NRXN3: variants seen among roughly 807,000 people sequenced by gnomAD.
The protein encoded by NRXN3 is neurexin III.
A neutral mutation model predicts 137.6 loss-of-function variants in NRXN3; 32 were observed. The observed-to-expected ratio is 0.23, with a 90% CI of 0.18 to 0.31. The LOEUF (loss-of-function observed/expected upper bound fraction) is 0.31, where lower values mean the gene tolerates loss of function less well. Among genes scored for constraint, NRXN3 ranks in the 10% least tolerant of loss-of-function variants. The pLI, the probability that NRXN3 is intolerant of heterozygous loss-of-function variation, is 1.00. For synonymous variants in NRXN3, 798 were observed against 784.5 expected (o/e 1.02, Z -0.29); for missense variants, 1,574 against 2,062.5 (o/e 0.76, Z 4.59).
chr14:78,952,152 C>T (rs2099388349), intron 10 of NRXN3, among the ~76,000 whole-genome samples: 1 of 151,998 alleles, frequency 6.6e-6, no homozygotes, highest in African/African-American at 2.4e-5. Flanking sequence ...ATTCCTGAGC[C>T]TTAAGTACTC....
intron 15 of NRXN3, among the ~76,000 whole-genome samples, chr14:79,460,191 G>A (rs935293404): frequency 2.0e-5 from 3 of 152,142 alleles, no homozygotes; most frequent in African/African-American, 4.8e-5. Flanking sequence ...ATGGAACATC[G>A]CAATAGTTGG....
chr14:78,610,842 GA>G (rs759692314), intron 4 of NRXN3, among the ~76,000 whole-genome samples: 2 of 152,222 alleles, frequency 1.3e-5, no homozygotes, highest in Non-Finnish European at 2.9e-5. Flanking sequence ...AGCTGCTGTA[GA>G]ATATGAGTTG....
In NRXN3 at chr14:79,513,859, G is replaced by A. The variant is rs544608053; in HGVS notation, c.3444+46457G>A. ...TGACCTCCTGTTTAGTCGTTTGCAA[G>A]AAACAGCCTGCTGGCAGTACCTAGG... On this transcript the variant is annotated intron_variant, in intron 16 of 20. Transcript: ENST00000335750. Among the ~76,000 whole-genome samples the A allele has an allele frequency of 4.6e-5, 7 of 152,264 alleles. No homozygotes were observed. In the South Asian group the frequency reaches 1.4e-3, roughly 32 times the overall value.
At chr14:79,037,434 CCTT>C (rs1220181111) in intron 15 of NRXN3, among the ~76,000 whole-genome samples, 1 of 152,052 alleles carries the variant, frequency 6.6e-6, no homozygotes, top group Non-Finnish European at 1.5e-5. Context: ...CCACTTCCTC[CCTT>C]CTTAATTTTC....
At chr14:78,208,791 C>T (rs1039336046) in intron 1 of NRXN3, among the ~76,000 whole-genome samples, 7 of 152,128 alleles carry the variant, frequency 4.6e-5, no homozygotes, top group African/African-American at 1.4e-4. Flanking sequence ...GTGCCGGGTC[C>T]AACTCTCAGC....
intron 10 of NRXN3, among the ~76,000 whole-genome samples, chr14:78,831,534 C>CAAAAAAAAAAAAAA (rs372852083): frequency 5.2e-5 from 3 of 58,192 alleles, no homozygotes; most frequent in Admixed American, 5.6e-4. Context: ...GACTCCATGT[C>CAAAAAAAAAAAAAA]AAAAAAAAAA....
intron 15 of NRXN3, among the ~76,000 whole-genome samples, chr14:79,366,480 C>T (rs1381499734): frequency 1.3e-5 from 2 of 152,164 alleles, no homozygotes; most frequent in Non-Finnish European, 2.9e-5. Context: ...CCCTTCCCAG[C>T]TTCTGGTAAC....
At chr14:79,824,720 T>C (rs2099287474) in intron 20 of NRXN3, among the ~76,000 whole-genome samples, 1 of 152,226 alleles carries the variant, frequency 6.6e-6, no homozygotes, top group Non-Finnish European at 1.5e-5. Flanking sequence ...TGGAAGAGCT[T>C]GTGAAGACTT....
At chr14:78,186,247 A>G (rs759141810) in intron 1 of NRXN3, among the ~76,000 whole-genome samples, 10 of 152,174 alleles carry the variant, frequency 6.6e-5, no homozygotes, top group Non-Finnish European at 1.3e-4. Flanking sequence ...TTGTTCTCCT[A>G]TGGTTTTCAT....
chr14:79,277,369 A>G (rs954215865), intron 15 of NRXN3, among the ~76,000 whole-genome samples: 6 of 152,230 alleles, frequency 3.9e-5, no homozygotes, highest in Admixed American at 3.9e-4. Context: ...CCAAAAGTGC[A>G]GTGGAAATCC....
intron 4 of NRXN3, among the ~76,000 whole-genome samples, chr14:78,308,733 T>TTG (rs1567220696): frequency 6.6e-6 from 1 of 151,898 alleles, no homozygotes; most frequent in Non-Finnish European, 1.5e-5. Flanking sequence ...TCAAATACTA[T>TTG]TGTGTGTGTG....
intron 16 of NRXN3, among the ~76,000 whole-genome samples, chr14:79,470,553 G>A (rs1298286452): frequency 6.6e-6 from 1 of 152,164 alleles, no homozygotes; most frequent in Non-Finnish European, 1.5e-5. Context: ...TCCCAACACT[G>A]TGGCATCGGT....
At chr14:78,248,927 G>A (rs2068146097) in intron 2 of NRXN3, among the ~76,000 whole-genome samples, 1 of 152,100 alleles carries the variant, frequency 6.6e-6, no homozygotes, top group South Asian at 2.1e-4. Context: ...CAGCCAGCAG[G>A]GGCTGTCACT....
intron 10 of NRXN3, among the ~76,000 whole-genome samples, chr14:78,824,277 C>T (rs760118737): frequency 5.9e-5 from 9 of 151,938 alleles, no homozygotes; most frequent in Non-Finnish European, 1.2e-4. Context: ...CTGGGTACTC[C>T]TTGGCCAATA....
intron 15 of NRXN3, among the ~76,000 whole-genome samples, chr14:79,061,832 G>T (rs549318789): frequency 6.6e-6 from 1 of 152,242 alleles, no homozygotes; most frequent in South Asian, 2.1e-4. Context: ...CATCCCTTAT[G>T]TCGGTGGACT....
chr14:79,441,406 G>A (rs1281273005), intron 15 of NRXN3, among the ~76,000 whole-genome samples: 1 of 113,444 alleles, frequency 8.8e-6, no homozygotes, highest in Non-Finnish European at 1.6e-5. Context: ...TTGAGACGGA[G>A]TCTCGCTCTG....
intron 10 of NRXN3, among the ~76,000 whole-genome samples, chr14:78,949,938 G>A (rs988613470): frequency 1.1e-4 from 16 of 152,140 alleles, no homozygotes; most frequent in Non-Finnish European, 2.2e-4. Context: ...ATGGTAGGCA[G>A]CAGGTCTTAT....
In NRXN3 at chr14:78,894,064, G is replaced by A. The variant is rs1032005422; in HGVS notation, c.2276-63178G>A. 2.6e-5 allele frequency among the ~76,000 whole-genome samples: 4 copies of A among 151,990 alleles called. No homozygotes were observed. The East Asian group carries it at 7.8e-4, about 30-fold the overall frequency. On this transcript the variant is annotated intron_variant, in intron 10 of 20. Transcript: ENST00000335750. Reference sequence around the variant, plus strand: ...TGAAGGGTCTTGCCTTGATATTGACGGCTGCTCACTGATCAGGGTAGTGGT... The same window carrying A: ...TGAAGGGTCTTGCCTTGATATTGACAGCTGCTCACTGATCAGGGTAGTGGT...
At chr14:79,524,182 C>T (rs2153706961) in intron 16 of NRXN3, among the ~76,000 whole-genome samples, 1 of 152,260 alleles carries the variant, frequency 6.6e-6, no homozygotes, top group South Asian at 2.1e-4. Context: ...TCCAGTGGAC[C>T]TTGGCAGTGG....
Sources: allele counts gnomAD v4.1 joint callset (sites outside exome capture counted in the v4.1 genomes callset), GRCh38; gene constraint gnomAD v4.1.1; transcripts MANE v1.5; gene names NCBI Gene and HGNC (gene_info 2026-07-23, HGNC 2026-07-21).